Variants in CSMD1 observed in about 807,000 individuals in gnomAD.
The protein encoded by CSMD1 is CUB and sushi domain-containing protein 1.
CSMD1 carries 213 observed loss-of-function variants against 417.5 expected under a neutral mutation model. The ratio of observed to expected loss-of-function variants is 0.51; its 90% CI spans 0.46 to 0.57. CSMD1 has a LOEUF of 0.57. CSMD1 is among the 20% of genes least tolerant of loss of function. The pLI is 0.00. For missense variants in CSMD1, 6,923 were observed against 4,529.7 expected (o/e 1.53, Z -15.17); for synonymous variants, 2,862 against 1,736.8 (o/e 1.65, Z -16.11).
At chr8:4,345,276 T>C (rs1012727367) in intron 3 of CSMD1, among the ~76,000 whole-genome samples, 7 of 152,136 alleles carry the variant, frequency 4.6e-5, no homozygotes, top group Admixed American at 1.3e-4. Flanking sequence ...AACTTATGCT[T>C]TCTATGAGGA....
rs370468112 is a variant in CSMD1 at position 4,326,290 on chromosome 8, A to G, written c.415+93663T>C. 1.3e-4 allele frequency among the ~76,000 whole-genome samples: 20 copies of G among 152,268 alleles called. No homozygotes were observed. In the East Asian group the frequency reaches 2.7e-3, roughly 21 times the overall value. On this transcript the variant is annotated intron_variant, in intron 3 of 69. Transcript: ENST00000635120. ...TTCACATACGGTGGGAGACTCAGAC[A>G]TAGCAAGGACAGCGGATAAGTCCTT...
At chr8:4,519,117 G>A (rs1234683011) in intron 2 of CSMD1, among the ~76,000 whole-genome samples, 3 of 151,974 alleles carry the variant, frequency 2.0e-5, no homozygotes, top group South Asian at 2.1e-4. Flanking sequence ...TACTGTTTGC[G>A]ACGCTAATAG....
intron 12 of CSMD1, among the ~76,000 whole-genome samples, chr8:3,421,829 G>A (rs1253263526): frequency 2.0e-5 from 3 of 151,980 alleles, no homozygotes; most frequent in African/African-American, 4.8e-5. Flanking sequence ...GTACAGACAG[G>A]GTTTCACCAT....
chr8:3,620,608 T>A (rs1802376546), intron 7 of CSMD1, among the ~76,000 whole-genome samples: 2 of 152,134 alleles, frequency 1.3e-5, no homozygotes, highest in Non-Finnish European at 2.9e-5. Flanking sequence ...GCCATCATTG[T>A]AGGATGTTAT....
chr8:4,613,964 T>G (rs2725037), intron 2 of CSMD1, among the ~76,000 whole-genome samples: 69,235 of 151,696 alleles, frequency 0.46, 17,361 homozygotes, highest in African/African-American at 0.68. Flanking sequence ...TTTTTATTGT[T>G]AGGAATCTTC....
chr8:3,417,802 A>G (rs1328023790), intron 12 of CSMD1, among the ~76,000 whole-genome samples: 1 of 152,008 alleles, frequency 6.6e-6, no homozygotes, highest in Non-Finnish European at 1.5e-5. Flanking sequence ...ACAAGATTGC[A>G]GCACATAAAT....
At chr8:3,445,478 G>A (rs1324605478) in intron 12 of CSMD1, among the ~76,000 whole-genome samples, 1 of 152,226 alleles carries the variant, frequency 6.6e-6, no homozygotes, top group East Asian at 1.9e-4. Context: ...CACACAGCTC[G>A]AGCAGATGGA....
At chr8:4,558,630 G>T (rs1387247878) in intron 2 of CSMD1, among the ~76,000 whole-genome samples, 1 of 152,140 alleles carries the variant, frequency 6.6e-6, no homozygotes, top group Non-Finnish European at 1.5e-5. Flanking sequence ...ACTTTGGGAG[G>T]CTGAGGCAGC....
At chr8:4,869,390 A>T (rs114904627) in intron 1 of CSMD1, among the ~76,000 whole-genome samples, 1 of 152,056 alleles carries the variant, frequency 6.6e-6, no homozygotes, top group African/African-American at 2.4e-5. Context: ...CTCGAATTTC[A>T]TAACTTTGAG....
At chr8:3,027,615 G>A (rs1425689422) in intron 51 of CSMD1, among the ~76,000 whole-genome samples, 2 of 152,178 alleles carry the variant, frequency 1.3e-5, no homozygotes, top group African/African-American at 2.4e-5. Flanking sequence ...AGAACAGCTC[G>A]TGCCCAGCCC....
chr8:3,288,998 C>T (rs1190445891), intron 25 of CSMD1, among the ~76,000 whole-genome samples: 4 of 140,444 alleles, frequency 2.8e-5, no homozygotes, highest in Non-Finnish European at 5.9e-5. Flanking sequence ...CACAACAGTC[C>T]CCGGTGTGTG....
chr8:3,157,590 T>C (rs1197050663), intron 39 of CSMD1, among the ~76,000 whole-genome samples: 1 of 152,360 alleles, frequency 6.6e-6, no homozygotes, highest in African/African-American at 2.4e-5. Context: ...ATTCCTTCTT[T>C]GCCACAAATT....
chr8:3,257,669 A>C (rs552068886), intron 26 of CSMD1, among the ~76,000 whole-genome samples: 3 of 152,234 alleles, frequency 2.0e-5, no homozygotes, highest in South Asian at 2.1e-4. Context: ...GGCTACTGAG[A>C]AGGAGAACTG....
At chr8:2,976,944 T>C (rs1563199428) in intron 55 of CSMD1, among the ~76,000 whole-genome samples, 1 of 152,014 alleles carries the variant, frequency 6.6e-6, no homozygotes, top group Non-Finnish European at 1.5e-5. Context: ...GGATCATCTA[T>C]AATTATCTCT....
At chr8:3,955,913 G>A (rs1171997051) in intron 5 of CSMD1, among the ~76,000 whole-genome samples, 3 of 152,222 alleles carry the variant, frequency 2.0e-5, no homozygotes, top group Middle Eastern at 3.4e-3. Context: ...TTTGCCTCCC[G>A]GGTTAAAGCA....
chr8:3,392,297 G>A (rs572353588), intron 17 of CSMD1, among the ~76,000 whole-genome samples: 1 of 151,718 alleles, frequency 6.6e-6, no homozygotes, highest in Non-Finnish European at 1.5e-5. Flanking sequence ...ATTTTCACTT[G>A]AAAAAAAATA....
chr8:4,044,649 T>G (rs976332325), intron 3 of CSMD1, among the ~76,000 whole-genome samples: 3 of 128,774 alleles, frequency 2.3e-5, no homozygotes, highest in Non-Finnish European at 5.3e-5. Context: ...ACCCTGTACG[T>G]GTACCACCCT....
chr8:4,350,006 C>A lies in CSMD1; in HGVS notation c.415+69947G>T, dbSNP rs545073634. Among the ~76,000 whole-genome samples, 4 of 152,134 alleles carry A rather than the reference C, an allele frequency of 2.6e-5. No homozygotes were observed. The South Asian group carries it at 8.3e-4, about 32-fold the overall frequency. ...AAGTAATAGCTTTGGTCCCTGAGCCCTGGAATCTTGTCTTTTCCTTGACTA... is the reference window on the plus strand; with the variant it reads ...AAGTAATAGCTTTGGTCCCTGAGCCATGGAATCTTGTCTTTTCCTTGACTA... On this transcript the variant is annotated intron_variant, in intron 3 of 69. Transcript: ENST00000635120.
chr8:3,981,251 C>G (rs914271769), intron 5 of CSMD1, among the ~76,000 whole-genome samples: 3 of 152,016 alleles, frequency 2.0e-5, no homozygotes, highest in Admixed American at 1.3e-4. Context: ...GCGTTGAAAA[C>G]CAAACATCGT....
Sources: gnomAD v4.1 joint callset for allele counts (sites outside exome capture counted in the v4.1 genomes callset) on GRCh38, gnomAD v4.1.1 for gene constraint, MANE v1.5 for transcripts, NCBI Gene and HGNC (gene_info 2026-07-23, HGNC 2026-07-21) for gene names.